Variants in IMMP2L observed in about 807,000 individuals in gnomAD.
IMMP2L encodes the protein mitochondrial inner membrane protease subunit 2.
Under a neutral mutation model 19.3 loss-of-function variants are expected in IMMP2L, and 18 were observed. The observed-to-expected ratio is 0.93, with a 90% CI of 0.64 to 1.38. The LOEUF (loss-of-function observed/expected upper bound fraction) is 1.38. Ranked by LOEUF, IMMP2L falls within the 40% of genes most tolerant of loss-of-function variation. The pLI is 0.00. For synonymous variants in IMMP2L, 76 were observed against 73.0 expected, an observed-to-expected ratio of 1.04 and a Z score of -0.21; for missense variants, 233 against 218.2, an observed-to-expected ratio of 1.07 and a Z score of -0.43.
At chr7:111,159,557 A>T (rs1348671127) in intron 3 of IMMP2L, among the ~76,000 whole-genome samples, 1 of 152,178 alleles carries the variant, frequency 6.6e-6, no homozygotes, top group African/African-American at 2.4e-5. Context: ...AATTCACTAA[A>T]CAAAAGGAAG....
rs1425991179 is a variant in IMMP2L at position 110,732,935 on chromosome 7, AC to A, written c.409-69215del. On this transcript the variant is annotated intron_variant, in intron 5 of 5. Transcript: ENST00000405709. The stretch of plus-strand genomic sequence containing the variant: ...CAAACAGCTAGGACTATAGGCACCT[AC>A]CACCACATCTGGCTAATTTTTAAAA... 2.0e-5 allele frequency among the ~76,000 whole-genome samples: 3 copies of A among 151,934 alleles called. No homozygotes were observed. The East Asian group carries it at 5.8e-4, about 29-fold the overall frequency.
intron 5 of IMMP2L, among the ~76,000 whole-genome samples, chr7:110,686,553 C>T (rs1346928758): frequency 6.6e-6 from 1 of 152,056 alleles, no homozygotes; most frequent in Non-Finnish European, 1.5e-5. Context: ...AGATCATATT[C>T]AGTTGTCTCA....
chr7:111,375,529 C>T (rs1054144632), intron 3 of IMMP2L, among the ~76,000 whole-genome samples: 8 of 151,674 alleles, frequency 5.3e-5, no homozygotes, highest in African/African-American at 1.2e-4. Context: ...TTGGTAAAAG[C>T]GACTTTTTTT....
Position 111,190,037 on chromosome 7 carries a change from T to C in IMMP2L, c.240-226472A>G, listed in dbSNP as rs77182012. Among the ~76,000 whole-genome samples, 199 of 152,232 alleles carry C rather than the reference T, an allele frequency of 1.3e-3. 4 individuals carry two copies. The East Asian group carries it at 0.031, about 24-fold the overall frequency. On this transcript the variant is annotated intron_variant, in intron 3 of 5. Transcript: ENST00000405709. ...TATCAGTGGAAATTAACATGGCCAG[T>C]TGACAGTATATAAAAATAAATAATG... is the stretch of plus-strand genomic sequence containing the variant.
chr7:110,981,460 T>C (rs893109016), intron 3 of IMMP2L, among the ~76,000 whole-genome samples: 30 of 151,730 alleles, frequency 2.0e-4, no homozygotes, highest in African/African-American at 7.3e-4. Flanking sequence ...TTAACAATTA[T>C]AACTATACTC....
At chr7:110,979,829 G>C (rs937364130) in intron 3 of IMMP2L, among the ~76,000 whole-genome samples, 8 of 152,064 alleles carry the variant, frequency 5.3e-5, no homozygotes, top group African/African-American at 1.9e-4. Flanking sequence ...GTTTCTTTTT[G>C]GAGTTCTCAA....
At chr7:111,234,057 G>A (rs1814016755) in intron 3 of IMMP2L, among the ~76,000 whole-genome samples, 1 of 151,958 alleles carries the variant, frequency 6.6e-6, no homozygotes, top group African/African-American at 2.4e-5. Context: ...AATACAAATG[G>A]TGCTATAAAT....
intron 3 of IMMP2L, among the ~76,000 whole-genome samples, chr7:111,442,985 A>G (rs74905182): frequency 0.016 from 2,505 of 152,036 alleles, 118 homozygotes; most frequent in African/African-American, 0.057. Flanking sequence ...TCATACAACC[A>G]TCTAGAATCT....
intron 5 of IMMP2L, among the ~76,000 whole-genome samples, chr7:110,702,385 G>A (rs778272144): frequency 2.6e-5 from 4 of 152,008 alleles, no homozygotes; most frequent in Non-Finnish European, 5.9e-5. Flanking sequence ...GGTTACTTAT[G>A]AACAAAAAGA....
chr7:110,737,167 G>A (rs780751427), intron 5 of IMMP2L, among the ~76,000 whole-genome samples: 12 of 152,182 alleles, frequency 7.9e-5, no homozygotes, highest in Non-Finnish European at 1.6e-4. Flanking sequence ...AGAAAGCCAA[G>A]ATAATCCACA....
chr7:111,309,699 G>C (rs1207537563), intron 3 of IMMP2L, among the ~76,000 whole-genome samples: 1 of 151,986 alleles, frequency 6.6e-6, no homozygotes, highest in Admixed American at 6.6e-5. Context: ...CCTTTATTAA[G>C]AATGCAGACA....
intron 5 of IMMP2L, among the ~76,000 whole-genome samples, chr7:110,683,571 C>T (rs761623620): frequency 9.2e-5 from 14 of 152,172 alleles, no homozygotes; most frequent in Middle Eastern, 3.4e-3. Context: ...GAAATTTAAA[C>T]TATCATACAG....
chr7:111,381,760 T>C (rs1831225696), intron 3 of IMMP2L, among the ~76,000 whole-genome samples: 1 of 151,908 alleles, frequency 6.6e-6, no homozygotes, highest in East Asian at 1.9e-4. Context: ...GAGAAGGCAT[T>C]TGTTCATTCA....
intron 3 of IMMP2L, among the ~76,000 whole-genome samples, chr7:111,237,934 T>C (rs541231174): frequency 6.6e-6 from 1 of 152,206 alleles, no homozygotes; most frequent in East Asian, 1.9e-4. Flanking sequence ...AAAGTAGCTG[T>C]AATAATAAAA....
chr7:111,544,967 AC>A (rs947726312), intron 1 of IMMP2L, among the ~76,000 whole-genome samples: 12 of 152,024 alleles, frequency 7.9e-5, no homozygotes, highest in African/African-American at 2.9e-4. Flanking sequence ...TAAGACAAAA[AC>A]CCCAATCCTC....
intron 3 of IMMP2L, among the ~76,000 whole-genome samples, chr7:111,453,322 T>A (rs1014974844): frequency 3.9e-5 from 6 of 152,142 alleles, no homozygotes; most frequent in African/African-American, 1.4e-4. Flanking sequence ...CCTTAATTAT[T>A]TGCTGTGTAC....
chr7:111,107,382 C>A (rs1798669527), intron 3 of IMMP2L, among the ~76,000 whole-genome samples: 1 of 152,050 alleles, frequency 6.6e-6, no homozygotes, highest in Non-Finnish European at 1.5e-5. Context: ...TTAGATTCAA[C>A]TGATCAGTCA....
chr7:111,277,584 A>C (rs1819220462), intron 3 of IMMP2L, among the ~76,000 whole-genome samples: 1 of 143,592 alleles, frequency 7.0e-6, no homozygotes, highest in Non-Finnish European at 1.5e-5. Flanking sequence ...AAAAAAAAAA[A>C]GTCTGAAAAC....
At chr7:111,446,608 A>C (rs2131853730) in intron 3 of IMMP2L, among the ~76,000 whole-genome samples, 1 of 152,236 alleles carries the variant, frequency 6.6e-6, no homozygotes, top group African/African-American at 2.4e-5. Context: ...AGATGGAGAA[A>C]AAACAGAACA....
Sources: gnomAD v4.1 joint callset for allele counts (sites outside exome capture counted in the v4.1 genomes callset) on GRCh38, gnomAD v4.1.1 for gene constraint, MANE v1.5 for transcripts, NCBI Gene and HGNC (gene_info 2026-07-23, HGNC 2026-07-21) for gene names.